CNOT9: variants seen among roughly 807,000 people sequenced by gnomAD.
CNOT9 encodes the protein RCD1 required for cell differentiation1 homolog.
Under a neutral mutation model 37.4 loss-of-function variants are expected in CNOT9, and 8 were observed. The observed-to-expected ratio is 0.21, with a 90% CI of 0.13 to 0.39. CNOT9 has a LOEUF of 0.39. Ranked by LOEUF, CNOT9 falls within the 10% of genes least tolerant of loss-of-function variation. The pLI is 1.00. For missense variants in CNOT9, 154 were observed against 365.3 expected (o/e 0.42, Z 4.71); for synonymous variants, 120 against 137.6 (o/e 0.87, Z 0.90).
chr2:218,571,817 T>A (rs574046951), intron 1 of CNOT9, among the ~76,000 whole-genome samples: 1 of 147,160 alleles, frequency 6.8e-6, no homozygotes, highest in South Asian at 2.2e-4. Flanking sequence ...ACTCCTGACC[T>A]CAGGTGATCT....
In CNOT9 at chr2:218,578,649, TC is replaced by T. The variant is rs544227470; in HGVS notation, c.25-1905del. Among the ~76,000 whole-genome samples the T allele has an allele frequency of 2.3e-3, 352 of 152,048 alleles. 1 individual carries two copies. The highest frequency in any genetic ancestry group is 8.2e-3 in the African/African-American group (342 of 41,462). On this transcript the variant is annotated intron_variant, in intron 1 of 7. Coordinates refer to ENST00000273064, the MANE Select transcript of CNOT9 (RefSeq NM_005444.3). ...TCTCATCTGCAAGTGTAGATAGCCTTCCCCCCCGCCTCCCGCTCCTTCTTTT... is the reference window on the plus strand; with the variant it reads ...TCTCATCTGCAAGTGTAGATAGCCTTCCCCCCGCCTCCCGCTCCTTCTTTT...
rs535660050 is a variant in CNOT9 at position 218,585,638 on chromosome 2, ATTT to A, written c.430+933_430+935del. On this transcript the variant is annotated intron_variant, in intron 4 of 7. Transcript: ENST00000273064. Reference sequence around the variant, plus strand: ...CAATAGGAAATTTATTTTTTATTTTATTTTTTTTTTTTTTTTTTGAGACAAGGT... The same window carrying A: ...CAATAGGAAATTTATTTTTTATTTTATTTTTTTTTTTTTTTGAGACAAGGT... Among the ~76,000 whole-genome samples the A allele has an allele frequency of 5.0e-3, 209 of 41,900 alleles. 3 individuals are homozygous for A. The East Asian group carries it at 0.31, about 62-fold the overall frequency. 27.5% of individuals were successfully genotyped at this position (41,900 alleles called of 152,430 possible). A position where few individuals can be genotyped will look rare whatever the true frequency, so the allele number is the denominator to read the frequency against.
At chr2:218,581,973 T>A (rs1694401338) in intron 2 of CNOT9, among the ~76,000 whole-genome samples, 1 of 151,980 alleles carries the variant, frequency 6.6e-6, no homozygotes, top group Non-Finnish European at 1.5e-5. Flanking sequence ...TCCCAGCTAC[T>A]TGGGAAGCTG....
In CNOT9 at chr2:218,592,471, A is replaced by T. The variant is rs185750356; in HGVS notation, c.639+69A>T. 1,793 of 1,486,894 alleles carry T rather than the reference A, an allele frequency of 1.2e-3. 21 individuals are homozygous for T. The highest frequency in any genetic ancestry group is 3.4e-4 in the Middle Eastern group (2 of 5,812). The allele number at this position is 1,486,894 out of a possible 1,614,324, so 92.1% of individuals were successfully genotyped here. On this transcript the variant is annotated intron_variant, in intron 6 of 7. Coordinates refer to ENST00000273064, the MANE Select transcript of CNOT9 (RefSeq NM_005444.3). This position sits in a 1 kb window ranked among gnomAD's most constrained non-coding sequence, Gnocchi z 4.1. ...AAAGCTTAATCTCTTTATAACTGGCATTGAACAACTTCAGTCCTCTGACTA... is the reference window on the plus strand; with the variant it reads ...AAAGCTTAATCTCTTTATAACTGGCTTTGAACAACTTCAGTCCTCTGACTA...
At chr2:218,580,899 T>TG in intron 2 of CNOT9, 159 bp downstream of exon 2, 1 of 728,840 alleles carries the variant, frequency 1.4e-6, no homozygotes, top group Non-Finnish European at 2.4e-6. Flanking sequence ...TTTGTTAAAA[T>TG]GCAGATTCTT....
chr2:218,585,603 T>C (rs1457284512), intron 4 of CNOT9, among the ~76,000 whole-genome samples: 2 of 150,808 alleles, frequency 1.3e-5, no homozygotes, highest in Non-Finnish European at 2.9e-5. Flanking sequence ...TTCCATGTAC[T>C]AGCAATGAAC....
chr2:218,582,557 G>A (rs1336810890), intron 2 of CNOT9, among the ~76,000 whole-genome samples: 1 of 152,166 alleles, frequency 6.6e-6, no homozygotes, highest in Non-Finnish European at 1.5e-5. Context: ...GGGCGTGGTG[G>A]CAGGCGCCTG....
intron 1 of CNOT9, among the ~76,000 whole-genome samples, chr2:218,576,408 C>A (rs1694170041): frequency 6.6e-6 from 1 of 152,142 alleles, no homozygotes; most frequent in African/African-American, 2.4e-5. Flanking sequence ...GTGGTTCTCA[C>A]TAAGTAAATT....
chr2:218,592,368 C>T lies in CNOT9; in HGVS notation c.605C>T (p.Thr202Met). ...ACTGGTTTGGCTTATATATGTCAGACGTATGAGCGTTTCTCCCATGTTGCC... is the reference window on the plus strand; with the variant it reads ...ACTGGTTTGGCTTATATATGTCAGATGTATGAGCGTTTCTCCCATGTTGCC... ...DDTGLAYICQ[T>M]YERFSHVAMI... The change falls in exon 6 of 8, where the codon ACG (threonine) becomes ATG (methionine). Residue 202 changes from threonine to methionine, a missense_variant. By Grantham distance (81) the Thr-to-Met change is moderately conservative. Around this residue, in one of 2 missense-constraint regions of CNOT9, gnomAD observed 117 missense variants for 325.4 expected, o/e 0.36. Coordinates refer to ENST00000273064, the MANE Select transcript of CNOT9 (RefSeq NM_005444.3). This position sits in a 1 kb window ranked among gnomAD's most constrained non-coding sequence, Gnocchi z 4.1. The T allele has an allele frequency of 6.2e-7, 1 of 1,614,064 alleles. No individual in the cohort carries two copies. Among genetic ancestry groups the T allele is most frequent in the South Asian group, 1.1e-5 (1 of 91,078 alleles).
At chr2:218,580,062 A>G (rs1694320149) in intron 1 of CNOT9, among the ~76,000 whole-genome samples, 1 of 145,444 alleles carries the variant, frequency 6.9e-6, no homozygotes, top group Admixed American at 7.0e-5. Flanking sequence ...TCCACCTCCC[A>G]AGTTCAAGCA....
chr2:218,571,271 T>C (rs1319740824), intron 1 of CNOT9, among the ~76,000 whole-genome samples: 4 of 152,158 alleles, frequency 2.6e-5, no homozygotes, highest in African/African-American at 7.2e-5. Context: ...CAAATGAGAA[T>C]GTAAGCCGGG....
rs2106104094 is a variant in CNOT9, at chr2:218,597,012, T to C, written c.*2736T>C. Reference sequence around the variant, plus strand: ...TACATATTATTCCTCTGCTCATTGTTCCTGCTGCTTAAAGGCTAGGAAAAG... The same window carrying C: ...TACATATTATTCCTCTGCTCATTGTCCCTGCTGCTTAAAGGCTAGGAAAAG... On this transcript the variant is annotated 3_prime_UTR_variant, in exon 8 of 8. Transcript: ENST00000273064. The C allele has an allele frequency of 6.6e-6, 1 of 152,126 alleles. No individual in the cohort carries two copies. The highest frequency in any genetic ancestry group is 1.5e-5 in the Non-Finnish European group (1 of 68,020). 9.4% of individuals were successfully genotyped at this position (152,126 alleles called of 1,614,324 possible).
rs571978774 is a variant in CNOT9, at chr2:218,592,932, C to T, written c.731+225C>T. ...AACTCTCCATCCTACTGTGAAATTC[C>T]AGAGAGTCTAGGCGATTCCAAAGGA... On this transcript the variant is annotated intron_variant, in intron 7 of 7. Coordinates refer to ENST00000273064, the MANE Select transcript of CNOT9 (RefSeq NM_005444.3). The surrounding 1 kb of genome is among the most constrained non-coding windows in gnomAD (Gnocchi z 4.1). 3.1e-5 allele frequency: 17 copies of T among 551,802 alleles called. No individual in the cohort carries two copies. The East Asian group carries it at 5.3e-4, about 17-fold the overall frequency. The allele number at this position is 551,802 out of a possible 1,614,324, so 34.2% of individuals were successfully genotyped here. A position where few individuals can be genotyped will look rare whatever the true frequency, so the allele number is the denominator to read the frequency against.
At chr2:218,591,976 C>T (rs1694792541) in intron 5 of CNOT9, among the ~76,000 whole-genome samples, 1 of 151,926 alleles carries the variant, frequency 6.6e-6, no homozygotes, top group Admixed American at 6.6e-5. Flanking sequence ...ATGAGAAGGT[C>T]TCTGAGTTTT....
intron 1 of CNOT9, among the ~76,000 whole-genome samples, chr2:218,578,501 C>A (rs187752391): frequency 2.6e-5 from 4 of 152,276 alleles, no homozygotes; most frequent in Admixed American, 2.0e-4. Flanking sequence ...AAGCTAAGAT[C>A]TTTTGGGAAC....
intron 1 of CNOT9, among the ~76,000 whole-genome samples, chr2:218,576,502 G>A (rs1404620979): frequency 6.6e-6 from 1 of 152,136 alleles, no homozygotes; most frequent in Non-Finnish European, 1.5e-5. Flanking sequence ...TACCTATTAA[G>A]TGCTTTGTAA....
rs574855984 is a variant in CNOT9 at position 218,573,062 on chromosome 2, G to A, written c.24+4084G>A. 2.6e-5 allele frequency among the ~76,000 whole-genome samples: 4 copies of A among 152,134 alleles called. No individual in the cohort carries two copies. The East Asian group carries it at 7.7e-4, about 29-fold the overall frequency. On this transcript the variant is annotated intron_variant, in intron 1 of 7. Coordinates refer to ENST00000273064, the MANE Select transcript of CNOT9 (RefSeq NM_005444.3). Reference sequence around the variant, plus strand: ...GGGCCGGGCATGGTGGCTCATGCCTGTAATCCCAGCACTTTGGGAGGCTGA... The same window carrying A: ...GGGCCGGGCATGGTGGCTCATGCCTATAATCCCAGCACTTTGGGAGGCTGA...
chr2:218,569,072 C>G, intron 1 of CNOT9, 94 bp downstream of exon 1: 1 of 1,425,998 alleles, frequency 7.0e-7, no homozygotes, highest in Non-Finnish European at 9.7e-7. Context: ...GGTCCCTAGT[C>G]TGATTTTTTT....
chr2:218,587,644 T>C lies in CNOT9; in HGVS notation c.489T>C (p.Ile163=). The part of the protein sequence containing the change: ...EVINFLLTTE[I]IPLCLRIMES... ...TCAACTTTTTATTAACAACAGAAATTATCCCTTTATGTTTGCGAATTATGG... is the reference window on the plus strand; with the variant it reads ...TCAACTTTTTATTAACAACAGAAATCATCCCTTTATGTTTGCGAATTATGG... The change falls in exon 5 of 8, where the codon ATT becomes ATC. Residue 163 remains isoleucine (I), a synonymous_variant. Coordinates refer to ENST00000273064, the MANE Select transcript of CNOT9 (RefSeq NM_005444.3). 6.2e-7 allele frequency: 1 copy of C among 1,609,608 alleles called. No homozygotes were observed. Among genetic ancestry groups the C allele is most frequent in the Non-Finnish European group, 8.5e-7 (1 of 1,177,634 alleles).
Sources: gnomAD v4.1 joint callset for allele counts (sites outside exome capture counted in the v4.1 genomes callset) on GRCh38, gnomAD v4.1.1 for gene constraint, gnomAD v4.1.1 regional missense constraint, Gnocchi (gnomAD v3.1) non-coding constraint, MANE v1.5 for transcripts, NCBI Gene and HGNC (gene_info 2026-07-23, HGNC 2026-07-21) for gene names.